ADK: variants seen among roughly 807,000 people sequenced by gnomAD.
ADK encodes adenosine kinase.
A neutral mutation model predicts 44.7 loss-of-function variants in ADK; 24 were observed. That is an observed-to-expected ratio of 0.54 (90% confidence interval 0.39 to 0.76). The LOEUF is 0.76. Among genes scored for constraint, ADK ranks in the 30% least tolerant of loss-of-function variants. The probability of loss-of-function intolerance (pLI) is 0.00; values close to 1 mark genes in which losing one functional copy is unlikely to be tolerated. For missense variants in ADK, 321 were observed against 425.1 expected (o/e 0.76, Z 2.15); for synonymous variants, 128 against 142.6 (o/e 0.90, Z 0.73).
intron 7 of ADK, among the ~76,000 whole-genome samples, chr10:74,537,065 A>G (rs937078732): frequency 6.6e-6 from 1 of 152,152 alleles, no homozygotes; most frequent in Non-Finnish European, 1.5e-5. Context: ...CATTCCTACC[A>G]TCAATACACA....
intron 9 of ADK, among the ~76,000 whole-genome samples, chr10:74,623,722 T>C (rs1306201238): frequency 1.4e-5 from 2 of 144,454 alleles, no homozygotes; most frequent in African/African-American, 5.5e-5. Flanking sequence ...ATTCTAGGCA[T>C]ATATATATAT....
intron 3 of ADK, among the ~76,000 whole-genome samples, chr10:74,248,072 A>G (rs1401460106): frequency 3.3e-5 from 5 of 152,206 alleles, no homozygotes; most frequent in African/African-American, 1.2e-4. Context: ...AAACTATGTC[A>G]TAAAGAAACT....
At chr10:74,383,386 G>GTCTGTCTCTGTCTCTGTCTCTGTC (rs57151626) in intron 4 of ADK, among the ~76,000 whole-genome samples, 3,109 of 150,414 alleles carry the variant, frequency 0.021, 55 homozygotes, top group South Asian at 0.069. Flanking sequence ...TAGTCAGTCT[G>GTCTGTCTCTGTCTCTGTCTCTGTC]TCTGTCTCTG....
At chr10:74,453,349 T>G (rs982074972) in intron 6 of ADK, among the ~76,000 whole-genome samples, 1 of 152,122 alleles carries the variant, frequency 6.6e-6, no homozygotes, top group African/African-American at 2.4e-5. Flanking sequence ...TTTGATCTTT[T>G]TCCCACCATG....
intron 3 of ADK, among the ~76,000 whole-genome samples, chr10:74,290,624 A>T (rs1402684003): frequency 6.6e-6 from 1 of 152,034 alleles, no homozygotes; most frequent in Admixed American, 6.6e-5. Context: ...AAAAACCCTA[A>T]TTTTTTGTGA....
intron 6 of ADK, among the ~76,000 whole-genome samples, chr10:74,406,243 A>T (rs1843920333): frequency 6.6e-6 from 1 of 151,946 alleles, no homozygotes. Context: ...CTGTTCCTCT[A>T]CTGTCTTCTG....
intron 3 of ADK, among the ~76,000 whole-genome samples, chr10:74,266,233 GTC>G (rs777633528): frequency 3.3e-5 from 5 of 152,238 alleles, no homozygotes; most frequent in South Asian, 2.1e-4. Context: ...CTTATTTGAA[GTC>G]TCTGGAGGCT....
In ADK at chr10:74,470,563, G is replaced by A. The variant is rs1004493443; in HGVS notation, c.556-54693G>A. Among the ~76,000 whole-genome samples the A allele has an allele frequency of 5.3e-4, 11 of 20,848 alleles. 1 individual carries two copies. The highest frequency in any genetic ancestry group is 8.5e-4 in the African/African-American group (7 of 8,214). The allele number at this position is 20,848 out of a possible 152,430, so 13.7% of individuals were successfully genotyped here. On this transcript the variant is annotated intron_variant, in intron 6 of 10. Coordinates refer to ENST00000539909, the MANE Select transcript of ADK (RefSeq NM_006721.4). The stretch of plus-strand genomic sequence containing the variant: ...ACATTGTCAGCAATAGTGCACAAGC[G>A]TTTCAATTTCTCCACATTCTGTATC...
intron 9 of ADK, among the ~76,000 whole-genome samples, chr10:74,661,131 C>T (rs551556718): frequency 2.0e-5 from 3 of 152,248 alleles, no homozygotes; most frequent in East Asian, 1.9e-4. Context: ...ATGCACTTAA[C>T]CACAGTTATA....
At chr10:74,446,818 A>G (rs1845603129) in intron 6 of ADK, among the ~76,000 whole-genome samples, 1 of 152,138 alleles carries the variant, frequency 6.6e-6, no homozygotes, top group Non-Finnish European at 1.5e-5. Context: ...CAAACTGTTA[A>G]CATTGATTTT....
At chr10:74,454,695 A>G (rs1564731255) in intron 6 of ADK, among the ~76,000 whole-genome samples, 1 of 152,246 alleles carries the variant, frequency 6.6e-6, no homozygotes, top group Non-Finnish European at 1.5e-5. Flanking sequence ...TAAGTTTTAC[A>G]TGACATGGGA....
chr10:74,177,947 T>TATA (rs1564574369), intron 1 of ADK, among the ~76,000 whole-genome samples: 40 of 60,350 alleles, frequency 6.6e-4, no homozygotes, highest in African/African-American at 2.1e-3. Flanking sequence ...ATATATATAT[T>TATA]TTTTTTTTTT....
rs1288778069 is a variant in ADK, at chr10:74,220,069, A to G, written c.141-4469A>G. ...ACACAAAAAACCGTTCAAAAAATTA[A>G]TGAATCCAGGAGCTGGTTTTTTGAA... On this transcript the variant is annotated intron_variant, in intron 2 of 10. Transcript: ENST00000539909. Among the ~76,000 whole-genome samples, 12 of 152,180 alleles carry G rather than the reference A, an allele frequency of 7.9e-5. No homozygotes were observed. The East Asian group carries it at 2.3e-3, about 29-fold the overall frequency.
At chr10:74,604,146 A>G (rs759332165) in intron 9 of ADK, among the ~76,000 whole-genome samples, 5 of 152,174 alleles carry the variant, frequency 3.3e-5, no homozygotes, top group African/African-American at 7.2e-5. Context: ...GATTCTGGAT[A>G]TTAGCCCTTT....
At chr10:74,686,047 C>T (rs568265426) in intron 10 of ADK, among the ~76,000 whole-genome samples, 9 of 152,042 alleles carry the variant, frequency 5.9e-5, no homozygotes, top group Non-Finnish European at 4.4e-5. Context: ...CTGCAAGCTC[C>T]GCCTCCCGGG....
chr10:74,655,726 A>C (rs1854461274), intron 9 of ADK: 1 of 487,740 alleles, frequency 2.1e-6, no homozygotes, highest in African/African-American at 2.0e-5. Context: ...CTCACCAAGG[A>C]GGAGGAATTG....
chr10:74,376,057 A>C (rs1156523740), intron 4 of ADK, among the ~76,000 whole-genome samples: 1 of 152,064 alleles, frequency 6.6e-6, no homozygotes, highest in Non-Finnish European at 1.5e-5. Context: ...CTTTATTTTA[A>C]TACTATATTG....
At chr10:74,600,569 CTATTA>C in intron 9 of ADK, 76 bp downstream of exon 9, 1 of 778,512 alleles carries the variant, frequency 1.3e-6, no homozygotes, top group Non-Finnish European at 2.1e-6. Context: ...TGTATTCTTT[CTATTA>C]TAATATATAC....
intron 7 of ADK, among the ~76,000 whole-genome samples, chr10:74,561,289 AAGTACCTCC>A (rs1290760518): frequency 1.3e-5 from 2 of 152,212 alleles, no homozygotes; most frequent in Non-Finnish European, 2.9e-5. Context: ...TATTAAAGAG[AAGTACCTCC>A]TGGAAATTTT....
Sources: gnomAD v4.1 joint callset for allele counts (sites outside exome capture counted in the v4.1 genomes callset) on GRCh38, gnomAD v4.1.1 for gene constraint, MANE v1.5 for transcripts, NCBI Gene and HGNC (gene_info 2026-07-23, HGNC 2026-07-21) for gene names.